AMMECR1L: variants seen among roughly 807,000 people sequenced by gnomAD.
The protein encoded by AMMECR1L is AMMECR1 like, also known as AMMECR1-like protein.
A neutral mutation model predicts 36.8 loss-of-function variants in AMMECR1L; 4 were observed. The observed-to-expected ratio is 0.11, with a 90% confidence interval of 0.05 to 0.25. AMMECR1L has a LOEUF of 0.25. Among genes scored for constraint, AMMECR1L ranks in the 10% least tolerant of loss-of-function variants. AMMECR1L has a pLI of 1.00. For synonymous variants in AMMECR1L, 147 were observed against 148.0 expected (o/e 0.99, Z 0.05); for missense variants, 232 against 392.1 (o/e 0.59, Z 3.45).
At chr2:127,885,325 C>T (rs1235920315) in intron 1 of AMMECR1L, 9 of 983,442 alleles carry the variant, frequency 9.2e-6, no homozygotes, top group Admixed American at 6.2e-5. Flanking sequence ...GGGTCCGGGG[C>T]GCTGGGGAGT....
intron 2 of AMMECR1L, among the ~76,000 whole-genome samples, chr2:127,879,146 T>G (rs1381981259): frequency 6.6e-6 from 1 of 152,210 alleles, no homozygotes; most frequent in East Asian, 1.9e-4. Context: ...AAAAAGCAAA[T>G]ATTAACTTGA....
chr2:127,875,726 C>T (rs1243214876), intron 2 of AMMECR1L, among the ~76,000 whole-genome samples: 1 of 152,166 alleles, frequency 6.6e-6, no homozygotes, highest in Non-Finnish European at 1.5e-5. Flanking sequence ...ATAGCTTGTA[C>T]ATTCTCATGC....
At chr2:127,880,262 G>C (rs1030354034) in intron 2 of AMMECR1L, among the ~76,000 whole-genome samples, 1 of 152,154 alleles carries the variant, frequency 6.6e-6, no homozygotes, top group Non-Finnish European at 1.5e-5. Context: ...CTCAGCTCAA[G>C]GGCCATGGTG....
chr2:127,880,028 C>T (rs1459981350), intron 2 of AMMECR1L, among the ~76,000 whole-genome samples: 1 of 152,120 alleles, frequency 6.6e-6, no homozygotes, highest in Non-Finnish European at 1.5e-5. Flanking sequence ...AGAAGCCAGG[C>T]GCAGGAGCTC....
rs951954304 is a variant in AMMECR1L, at chr2:127,862,178, C to T, written c.*2916G>A. ...TGTCCTAGCTGTGGGTATTATGAGA[C>T]AAGCCAACTTTCCAGACCAAAAGGC... On this transcript the variant is annotated 3_prime_UTR_variant, in exon 8 of 8. Coordinates refer to ENST00000272647, the MANE Select transcript of AMMECR1L (RefSeq NM_001199140.2). 6.5e-6 allele frequency: 1 copy of T among 153,712 alleles called. No homozygotes were observed. The highest frequency in any genetic ancestry group is 1.9e-4 in the East Asian group (1 of 5,198). 9.5% of individuals were successfully genotyped at this position (153,712 alleles called of 1,614,324 possible).
Position 127,865,258 on chromosome 2 carries a change from A to G in AMMECR1L, c.822-53T>C. 6.8e-6 allele frequency: 9 copies of G among 1,324,146 alleles called. No individual in the cohort carries two copies. Among genetic ancestry groups the G allele is most frequent in the Non-Finnish European group, 9.5e-6 (9 of 944,050 alleles). 82.0% of individuals were successfully genotyped at this position (1,324,146 alleles called of 1,614,324 possible). On this transcript the variant is annotated intron_variant, in intron 7 of 7. Transcript: ENST00000272647. The surrounding 1 kb of genome is among the most constrained non-coding windows in gnomAD (Gnocchi z 5.4). ...AGGAACCCCAAACGCTTCATTTTGT[A>G]AAGTCACTCAGCAGAGAAAAACCAA...
chr2:127,872,814 A>C (rs1691049861), intron 3 of AMMECR1L, among the ~76,000 whole-genome samples: 1 of 152,028 alleles, frequency 6.6e-6, no homozygotes, highest in African/African-American at 2.4e-5. Flanking sequence ...GGCACCCTGG[A>C]TCTCACTCAG....
At position 127,869,235 on chromosome 2, in the gene AMMECR1L, C is replaced by T. The variant is rs1046718117; in HGVS notation, c.724+219G>A. On this transcript the variant is annotated intron_variant, in intron 6 of 7. Transcript: ENST00000272647. This position sits in a 1 kb window ranked among gnomAD's most constrained non-coding sequence, Gnocchi z 4.7. Reference sequence around the variant, plus strand: ...GAAAAGAAGTGTTTGAAATATCAGGCGAGTAAGTGAACGATTTACCCTTTT... The same window carrying T: ...GAAAAGAAGTGTTTGAAATATCAGGTGAGTAAGTGAACGATTTACCCTTTT... Among the ~76,000 whole-genome samples, 3 of 152,136 alleles carry T rather than the reference C, an allele frequency of 2.0e-5. No homozygotes were observed. The highest frequency in any genetic ancestry group is 6.5e-5 in the Admixed American group (1 of 15,278).
At chr2:127,881,926 C>T (rs1691516856) in intron 2 of AMMECR1L, among the ~76,000 whole-genome samples, 1 of 152,076 alleles carries the variant, frequency 6.6e-6, no homozygotes. Flanking sequence ...TCTGAGATGC[C>T]AGAAAACACA....
intron 2 of AMMECR1L, among the ~76,000 whole-genome samples, chr2:127,879,835 T>A (rs953532219): frequency 5.9e-5 from 9 of 152,190 alleles, no homozygotes; most frequent in African/African-American, 2.2e-4. Context: ...TTCAGAATAA[T>A]AGCATTCTAA....
At chr2:127,868,407 T>C (rs1302762650) in intron 6 of AMMECR1L, among the ~76,000 whole-genome samples, 1 of 152,212 alleles carries the variant, frequency 6.6e-6, no homozygotes, top group Non-Finnish European at 1.5e-5. Flanking sequence ...TTTGCTATTA[T>C]GCCACATATA....
At chr2:127,885,221 G>T (rs1691705430) in intron 1 of AMMECR1L, 1 of 985,184 alleles carries the variant, frequency 1.0e-6, no homozygotes, top group African/African-American at 1.7e-5. Context: ...GTGCGCGTGT[G>T]AAGAGTGTTA....
At chr2:127,882,148 C>G (rs1286531716) in intron 2 of AMMECR1L, among the ~76,000 whole-genome samples, 2 of 152,126 alleles carry the variant, frequency 1.3e-5, no homozygotes, top group East Asian at 3.8e-4. Flanking sequence ...CTAGAAAAGC[C>G]TAAAGGTGGG....
intron 2 of AMMECR1L, among the ~76,000 whole-genome samples, chr2:127,876,349 CAAA>C (rs11332960): frequency 2.3e-4 from 26 of 111,082 alleles, no homozygotes; most frequent in Admixed American, 5.5e-4. Context: ...GGCCCTGTCT[CAAA>C]AAAAAAAAAA....
Position 127,869,026 on chromosome 2 carries a change from T to C in AMMECR1L, c.724+428A>G, listed in dbSNP as rs1207912218. 6.6e-6 allele frequency among the ~76,000 whole-genome samples: 1 copy of C among 152,216 alleles called. No homozygotes were observed. Among genetic ancestry groups the C allele is most frequent in the East Asian group, 1.9e-4 (1 of 5,198 alleles). On this transcript the variant is annotated intron_variant, in intron 6 of 7. Coordinates refer to ENST00000272647, the MANE Select transcript of AMMECR1L (RefSeq NM_001199140.2). This position sits in a 1 kb window ranked among gnomAD's most constrained non-coding sequence, Gnocchi z 4.7. ...GAGTAAGCCACCACGCCTGGCCGAC[T>C]ACTGAGTTCTTTAAAAAACAGTAGG...
chr2:127,881,326 C>CTTTTTTTTTTTTTTTT (rs1553491254), intron 2 of AMMECR1L, among the ~76,000 whole-genome samples: 1 of 150,592 alleles, frequency 6.6e-6, no homozygotes, highest in Non-Finnish European at 1.5e-5. Context: ...ATTGAGACTG[C>CTTTTTTTTTTTTTTTT]TATTGACACA....
chr2:127,868,507 G>T (rs1304467326), intron 6 of AMMECR1L, among the ~76,000 whole-genome samples: 1 of 151,940 alleles, frequency 6.6e-6, no homozygotes, highest in Admixed American at 6.5e-5. Context: ...CACTTCACCG[G>T]GTATTTTTTC....
chr2:127,884,920 T>C (rs895976764), intron 1 of AMMECR1L: 1 of 152,858 alleles, frequency 6.5e-6, no homozygotes, highest in Non-Finnish European at 1.5e-5. Flanking sequence ...GGAGACTGTT[T>C]ACATCTCCTG....
chr2:127,865,959 C>A lies in AMMECR1L; in HGVS notation c.822-754G>T, dbSNP rs1690667409. Among the ~76,000 whole-genome samples, 1 of 152,104 alleles carries A rather than the reference C, an allele frequency of 6.6e-6. No homozygotes were observed. The highest frequency in any genetic ancestry group is 6.6e-5 in the Admixed American group (1 of 15,266). ...ACTCCTCCACTGCAAGGTGATTATT[C>A]CTGAATTTTGACAGGGAAATGGCTG... is the stretch of plus-strand genomic sequence containing the variant. On this transcript the variant is annotated intron_variant, in intron 7 of 7. Transcript: ENST00000272647. The surrounding 1 kb of genome is among the most constrained non-coding windows in gnomAD (Gnocchi z 5.4).
Sources: gnomAD v4.1 joint callset for allele counts (sites outside exome capture counted in the v4.1 genomes callset) on GRCh38, gnomAD v4.1.1 for gene constraint, Gnocchi (gnomAD v3.1) non-coding constraint, MANE v1.5 for transcripts, NCBI Gene and HGNC (gene_info 2026-07-23, HGNC 2026-07-21) for gene names.